Variants in ADAM11 observed in about 807,000 individuals in gnomAD.
ADAM11 encodes the protein disintegrin and metalloproteinase domain-containing protein 11.
Under a neutral mutation model 119.1 loss-of-function variants are expected in ADAM11, and 49 were observed. That is an observed-to-expected ratio of 0.41 (90% CI 0.33 to 0.52). The LOEUF is 0.52. Among genes scored for constraint, ADAM11 ranks in the 20% least tolerant of loss-of-function variants. The pLI, the probability that ADAM11 is intolerant of heterozygous loss-of-function variation, is 0.20. For synonymous variants in ADAM11, 364 were observed against 408.0 expected, an observed-to-expected ratio of 0.89 and a Z score of 1.30; for missense variants, 777 against 1,047.5, an observed-to-expected ratio of 0.74 and a Z score of 3.56.
At position 44,775,386 on chromosome 17, in the gene ADAM11, C is replaced by T. The variant is rs1468278159; in HGVS notation, c.1321-8C>T. ...GGGCCAGACTCCCGACCTGTCCTCCCGGTCCAGCTCCTGGACCCCCCAGAG... is the reference window on the plus strand; with the variant it reads ...GGGCCAGACTCCCGACCTGTCCTCCTGGTCCAGCTCCTGGACCCCCCAGAG... On this transcript the variant is annotated splice_polypyrimidine_tract_variant and splice_region_variant and intron_variant, in intron 15 of 26. Transcript: ENST00000200557. The surrounding 1 kb of genome is among the most constrained non-coding windows in gnomAD (Gnocchi z 7.5). 18 of 1,612,464 alleles carry T rather than the reference C, an allele frequency of 1.1e-5. No individual in the cohort carries two copies. Among genetic ancestry groups the T allele is most frequent in the Non-Finnish European group, 1.4e-5 (17 of 1,179,776 alleles).
Position 44,776,907 on chromosome 17 carries a change from C to A in ADAM11, c.1626C>A (p.Cys542Ter). Residue 542 changes from cysteine (C) to a stop codon, truncating the protein, a stop_gained, in exon 20 of 27, where the codon TGC (cysteine) becomes TGA (stop). Transcript: ENST00000200557. LOFTEE classifies it high-confidence loss of function. This position sits in a 1 kb window ranked among gnomAD's most constrained non-coding sequence, Gnocchi z 5.2. ...GYYCDHEQGR[C>*]YGGRCKTRDR... ...AATTCTTGGACTCTCAGGGCCGCTG[C>A]TACGGAGGTCGCTGCAAAACCCGGG... 6.2e-7 allele frequency: 1 copy of A among 1,613,502 alleles called. No individual in the cohort carries two copies. The highest frequency in any genetic ancestry group is 8.5e-7 in the Non-Finnish European group (1 of 1,179,474).
Position 44,773,888 on chromosome 17 carries a change from G to A in ADAM11, c.993-407G>A, listed in dbSNP as rs1426100627. The stretch of plus-strand genomic sequence containing the variant: ...AGGCGGGTAGATCATTTCAGGTTAC[G>A]AGTTTAAGACCAGCCTGGCCAACAT... On this transcript the variant is annotated intron_variant, in intron 11 of 26. Coordinates refer to ENST00000200557, the MANE Select transcript of ADAM11 (RefSeq NM_002390.6). This position sits in a 1 kb window ranked among gnomAD's most constrained non-coding sequence, Gnocchi z 4.6. Among the ~76,000 whole-genome samples the A allele has an allele frequency of 2.0e-5, 3 of 152,248 alleles. No homozygotes were observed. The highest frequency in any genetic ancestry group is 3.9e-4 in the East Asian group (2 of 5,170).
chr17:44,769,560 G>A (rs1446015192), intron 2 of ADAM11, among the ~76,000 whole-genome samples, 158 bp from the exon 3 acceptor site: 1 of 152,244 alleles, frequency 6.6e-6, no homozygotes, highest in Non-Finnish European at 1.5e-5. Context: ...TGGAGGAAGA[G>A]GAGCTTGGAC....
At chr17:44,769,624 C>T (rs2049491775) in intron 2 of ADAM11, 94 bp from the exon 3 acceptor site, 2 of 820,062 alleles carry the variant, frequency 2.4e-6, no homozygotes, top group Non-Finnish European at 4.1e-6. Context: ...GCTGGCCACC[C>T]CTTCCCCAGG....
Position 44,759,641 on chromosome 17 carries a change from G to A in ADAM11, c.62-81G>A, listed in dbSNP as rs975897456. ...GCTCCAGGGGCCACACCAGAGTGGG[G>A]GATGAGGCATGCCCACCCCATTCCC... On this transcript the variant is annotated intron_variant, in intron 1 of 26. Transcript: ENST00000200557. 7 of 1,307,590 alleles carry A rather than the reference G, an allele frequency of 5.4e-6. No homozygotes were observed. The African/African-American group carries it at 6.0e-5, about 11-fold the overall frequency. 81.0% of individuals were successfully genotyped at this position (1,307,590 alleles called of 1,614,324 possible).
chr17:44,761,682 C>A (rs1451613978), intron 2 of ADAM11, among the ~76,000 whole-genome samples: 1 of 152,110 alleles, frequency 6.6e-6, no homozygotes, highest in Non-Finnish European at 1.5e-5. Flanking sequence ...CCTCAAGGGA[C>A]TTGTTTGGGG....
rs1487165774 is a variant in ADAM11, at chr17:44,781,389, T to G, written c.*1635T>G. ...CTCAAGGGCTGAGTGGAGGGGCCCC[T>G]CCGGCCAGCTCTGCTCCACCAGCCC... On this transcript the variant is annotated 3_prime_UTR_variant, in exon 27 of 27. Transcript: ENST00000200557. 1 of 152,066 alleles carries G rather than the reference T, an allele frequency of 6.6e-6. No homozygotes were observed. Among genetic ancestry groups the G allele is most frequent in the Non-Finnish European group, 1.5e-5 (1 of 68,014 alleles). 9.4% of individuals were successfully genotyped at this position (152,066 alleles called of 1,614,324 possible).
In ADAM11 at chr17:44,768,266, A is replaced by G. The variant is rs80285240; in HGVS notation, c.238-1452A>G. Among the ~76,000 whole-genome samples, 695 of 152,282 alleles carry G rather than the reference A, an allele frequency of 4.6e-3. 4 individuals are homozygous for G. Among genetic ancestry groups the G allele is most frequent in the African/African-American group, 0.016 (656 of 41,558 alleles). On this transcript the variant is annotated intron_variant, in intron 2 of 26. Transcript: ENST00000200557. ...GGCGACTCCTTGTCCTTGACTTTCT[A>G]TTTCGGGCTGATCAATGCTCTAGGG...
At chr17:44,769,621 A>ACCCCCCCCCC in intron 2 of ADAM11, 97 bp from the exon 3 acceptor site, 2 of 704,862 alleles carry the variant, frequency 2.8e-6, no homozygotes, top group Admixed American at 2.2e-5. Context: ...AGGGCTGGCC[A>ACCCCCCCCCC]CCCCTTCCCC....
chr17:44,774,987 G>T (rs894298779), intron 14 of ADAM11, among the ~76,000 whole-genome samples: 1 of 152,224 alleles, frequency 6.6e-6, no homozygotes, highest in Non-Finnish European at 1.5e-5. Flanking sequence ...CCCAAGCCTC[G>T]CATGGAGACA....
chr17:44,773,154 C>G lies in ADAM11; in HGVS notation c.825+69C>G. ...CCACCCCACCACACACATTAGGGGGCACTGTCAGCCCCTGGCTCCCACTTC... is the reference window on the plus strand; with the variant it reads ...CCACCCCACCACACACATTAGGGGGGACTGTCAGCCCCTGGCTCCCACTTC... On this transcript the variant is annotated intron_variant, in intron 10 of 26. Transcript: ENST00000200557. This position sits in a 1 kb window ranked among gnomAD's most constrained non-coding sequence, Gnocchi z 4.6. The G allele has an allele frequency of 6.7e-7, 1 of 1,499,244 alleles. No homozygotes were observed. The highest frequency in any genetic ancestry group is 1.1e-5 in the South Asian group (1 of 89,466). The allele number at this position is 1,499,244 out of a possible 1,614,324, so 92.9% of individuals were successfully genotyped here.
Position 44,774,382 on chromosome 17 carries a change from G to C in ADAM11, c.1077+3G>C. On this transcript the variant is annotated splice_donor_region_variant and intron_variant, in intron 12 of 26. Coordinates refer to ENST00000200557, the MANE Select transcript of ADAM11 (RefSeq NM_002390.6). ...CCCACGGCGGGGGTGTGAACGAGGT[G>C]AGCAGTGGGGGGACATGGCTGGGGT... 1 of 1,503,480 alleles carries C rather than the reference G, an allele frequency of 6.7e-7. No individual in the cohort carries two copies. Among genetic ancestry groups the C allele is most frequent in the South Asian group, 1.3e-5 (1 of 77,544 alleles). 93.1% of individuals were successfully genotyped at this position (1,503,480 alleles called of 1,614,324 possible).
At position 44,776,848 on chromosome 17, in the gene ADAM11, T is replaced by C. The variant is rs759867839; in HGVS notation, c.1618-51T>C. The C allele has an allele frequency of 1.4e-5, 22 of 1,613,876 alleles. No homozygotes were observed. The highest frequency in any genetic ancestry group is 1.8e-5 in the Non-Finnish European group (21 of 1,179,924). On this transcript the variant is annotated intron_variant, in intron 19 of 26. Transcript: ENST00000200557. This position sits in a 1 kb window ranked among gnomAD's most constrained non-coding sequence, Gnocchi z 5.2. ...ATTCAGGGCAGTCTCTTGTCTCCAC[T>C]CTGACCACTCAGCATCTCCATCCCT...
chr17:44,776,051 A>T lies in ADAM11; in HGVS notation c.1486-76A>T. ...GGAGGGCCCGGGGATGTGGGGGTCC[A>T]GAGAGCGAGGGGCCTGGGGAGGGCA... On this transcript the variant is annotated intron_variant, in intron 17 of 26. Coordinates refer to ENST00000200557, the MANE Select transcript of ADAM11 (RefSeq NM_002390.6). The surrounding 1 kb of genome is among the most constrained non-coding windows in gnomAD (Gnocchi z 5.2). 6.4e-7 allele frequency: 1 copy of T among 1,550,528 alleles called. No homozygotes were observed. Among genetic ancestry groups the T allele is most frequent in the Non-Finnish European group, 8.9e-7 (1 of 1,128,766 alleles).
At chr17:44,765,016 C>T (rs1448046016) in intron 2 of ADAM11, among the ~76,000 whole-genome samples, 2 of 152,114 alleles carry the variant, frequency 1.3e-5, no homozygotes, top group African/African-American at 4.8e-5. Flanking sequence ...TCCTGGCTGC[C>T]TAGAGGAACC....
chr17:44,777,628 G>A lies in ADAM11; in HGVS notation c.1901+27G>A. On this transcript the variant is annotated intron_variant, in intron 22 of 26. Transcript: ENST00000200557. This position sits in a 1 kb window ranked among gnomAD's most constrained non-coding sequence, Gnocchi z 5.1. Reference sequence around the variant, plus strand: ...TGCTGGCCAGGACCAAGACTAGGGAGGGGAGGTTGCAGCTGTGCTGGGGGT... The same window carrying A: ...TGCTGGCCAGGACCAAGACTAGGGAAGGGAGGTTGCAGCTGTGCTGGGGGT... 6 of 1,613,984 alleles carry A rather than the reference G, an allele frequency of 3.7e-6. No individual in the cohort carries two copies. The highest frequency in any genetic ancestry group is 5.1e-6 in the Non-Finnish European group (6 of 1,179,926).
Position 44,769,976 on chromosome 17 carries a change from T to TCTCAGCCACCTCCTCTC in ADAM11, c.315-2_329dup. On this transcript the variant is annotated splice_region_variant and splice_polypyrimidine_tract_variant and intron_variant, in intron 3 of 26. Transcript: ENST00000200557. ...ACCCCCCTTCCTGCTGCCCCCTCTG[T>TCTCAGCCACCTCCTCTC]CTCAGCCACCTCCTCTCCTCGCAAT... The TCTCAGCCACCTCCTCTC allele has an allele frequency of 6.2e-7, 1 of 1,614,016 alleles. No homozygotes were observed. Among genetic ancestry groups the TCTCAGCCACCTCCTCTC allele is most frequent in the Non-Finnish European group, 8.5e-7 (1 of 1,179,932 alleles).
Position 44,780,234 on chromosome 17 carries a change from G to A in ADAM11, c.*480G>A, listed in dbSNP as rs2049674577. ...CGATGAATGTAAACTCGGGGGTGCT[G>A]GGGCCAGGGCAGATGTGGGGATGTT... On this transcript the variant is annotated 3_prime_UTR_variant, in exon 27 of 27. Transcript: ENST00000200557. 1 of 443,970 alleles carries A rather than the reference G, an allele frequency of 2.3e-6. No homozygotes were observed. The highest frequency in any genetic ancestry group is 1.6e-5 in the South Asian group (1 of 61,790). 27.5% of individuals were successfully genotyped at this position (443,970 alleles called of 1,614,324 possible). A position where few individuals can be genotyped will look rare whatever the true frequency, so the allele number is the denominator to read the frequency against.
chr17:44,771,536 T>C (rs1406784961), intron 4 of ADAM11, 48 bp from the exon 5 acceptor site: 11 of 1,586,614 alleles, frequency 6.9e-6, no homozygotes, highest in South Asian at 1.1e-5. Flanking sequence ...GCCCATTGGC[T>C]GCCCCCGGCC....
Sources: gnomAD v4.1 joint callset for allele counts (sites outside exome capture counted in the v4.1 genomes callset) on GRCh38, gnomAD v4.1.1 for gene constraint, Gnocchi (gnomAD v3.1) non-coding constraint, MANE v1.5 for transcripts, NCBI Gene and HGNC (gene_info 2026-07-23, HGNC 2026-07-21) for gene names.